The following DAB1 variants were observed in gnomAD, a reference collection of about 807,000 sequenced individuals.
DAB1 encodes the protein disabled homolog 1.
A neutral mutation model predicts 64.6 loss-of-function variants in DAB1; 15 were observed. The observed-to-expected ratio is 0.23, with a 90% CI of 0.16 to 0.36. The LOEUF (loss-of-function observed/expected upper bound fraction) is 0.36. Ranked by LOEUF, DAB1 falls within the 10% of genes least tolerant of loss-of-function variation. The pLI, the probability that DAB1 is intolerant of heterozygous loss-of-function variation, is 1.00. For synonymous variants in DAB1, 235 were observed against 251.9 expected, an observed-to-expected ratio of 0.93 and a Z score of 0.64; for missense variants, 596 against 706.7, an observed-to-expected ratio of 0.84 and a Z score of 1.78.
At chr1:57,393,238 G>T (rs1682533163) in intron 1 of DAB1, among the ~76,000 whole-genome samples, 1 of 152,162 alleles carries the variant, frequency 6.6e-6, no homozygotes, top group African/African-American at 2.4e-5. Flanking sequence ...AGCTAAATGA[G>T]CATTTAGAGT....
chr1:57,308,712 C>T (rs958338579), intron 1 of DAB1, among the ~76,000 whole-genome samples: 2 of 152,100 alleles, frequency 1.3e-5, no homozygotes, highest in Non-Finnish European at 2.9e-5. Context: ...AGTACTTTTC[C>T]ATCTGTGTAT....
chr1:57,753,404 A>G (rs966713640), intron 6 of DAB1, among the ~76,000 whole-genome samples: 1 of 152,184 alleles, frequency 6.6e-6, no homozygotes, highest in African/African-American at 2.4e-5. Context: ...AATGTATAGA[A>G]AAACAAGTGC....
intron 4 of DAB1, among the ~76,000 whole-genome samples, chr1:58,232,294 GCC>G (rs1229795591): frequency 1.3e-5 from 2 of 152,200 alleles, no homozygotes; most frequent in African/African-American, 2.4e-5. Context: ...GGATGGAACT[GCC>G]CATGCCATGG....
chr1:58,337,978 G>A (rs867185869), intron 4 of DAB1, among the ~76,000 whole-genome samples: 4 of 125,256 alleles, frequency 3.2e-5, no homozygotes, highest in African/African-American at 1.3e-4. Context: ...AAACTTACAT[G>A]TTTTTTCCAC....
At chr1:57,549,120 T>G (rs1644886913) in intron 7 of DAB1, among the ~76,000 whole-genome samples, 1 of 152,172 alleles carries the variant, frequency 6.6e-6, no homozygotes, top group Non-Finnish European at 1.5e-5. Context: ...AAGTCTCAAT[T>G]TTGTGGATAT....
intron 5 of DAB1, among the ~76,000 whole-genome samples, chr1:57,889,495 T>C (rs1644274482): frequency 6.6e-6 from 1 of 152,172 alleles, no homozygotes; most frequent in Non-Finnish European, 1.5e-5. Flanking sequence ...TTTGCAAAAC[T>C]AGATATCTAA....
At chr1:58,094,682 G>T (rs1650878409) in intron 5 of DAB1, among the ~76,000 whole-genome samples, 1 of 152,176 alleles carries the variant, frequency 6.6e-6, no homozygotes, top group Non-Finnish European at 1.5e-5. Flanking sequence ...TCAAGAAATG[G>T]TCCTTTACCC....
At chr1:57,776,653 G>T (rs959270906) in intron 6 of DAB1, among the ~76,000 whole-genome samples, 1 of 151,232 alleles carries the variant, frequency 6.6e-6, no homozygotes, top group Non-Finnish European at 1.5e-5. Flanking sequence ...AATGCTCTGG[G>T]GTTTACAACT....
At chr1:58,031,314 T>A (rs941210697) in intron 5 of DAB1, among the ~76,000 whole-genome samples, 1 of 152,186 alleles carries the variant, frequency 6.6e-6, no homozygotes, top group African/African-American at 2.4e-5. Context: ...GTTTTGAATG[T>A]TAAGATTTGC....
At chr1:58,202,385 C>T (rs1409540181) in intron 4 of DAB1, among the ~76,000 whole-genome samples, 1 of 152,202 alleles carries the variant, frequency 6.6e-6, no homozygotes, top group Non-Finnish European at 1.5e-5. Context: ...AACTGAGGCT[C>T]AGCAAGATAA....
chr1:57,391,870 ATTTTT>A (rs1373552581), intron 1 of DAB1, among the ~76,000 whole-genome samples: 1 of 151,906 alleles, frequency 6.6e-6, no homozygotes, highest in Admixed American at 6.6e-5. Context: ...GGAAAGTTGC[ATTTTT>A]TTAGGTAAAA....
chr1:57,344,690 A>C (rs1288380148), intron 1 of DAB1, among the ~76,000 whole-genome samples: 1 of 151,976 alleles, frequency 6.6e-6, no homozygotes, highest in Non-Finnish European at 1.5e-5. Context: ...GCTCGTGTGT[A>C]ATTCTGTTAA....
In DAB1 at chr1:57,845,996, T is replaced by A. The variant is rs1402708022; in HGVS notation, n.88-19541A>T. Among the ~76,000 whole-genome samples the A allele has an allele frequency of 2.0e-5, 3 of 152,146 alleles. No homozygotes were observed. In the South Asian group the frequency reaches 6.2e-4, roughly 32 times the overall value. ...CAAGGAAGGCCAATATAAATGAAGA[T>A]GCTGTCTGCACACGAAATGCTTTGT... On this transcript the variant is annotated intron_variant and non_coding_transcript_variant, in intron 1 of 1. Coordinates refer to the DAB1 transcript ENST00000477280.
intron 1 of DAB1, among the ~76,000 whole-genome samples, chr1:57,858,014 G>A (rs1653839394): frequency 6.6e-6 from 1 of 151,220 alleles, no homozygotes; most frequent in Non-Finnish European, 1.5e-5. Context: ...AGCTAATAGT[G>A]AGAGAACAAG....
intron 1 of DAB1, among the ~76,000 whole-genome samples, chr1:57,373,673 G>A (rs1179534206): frequency 6.6e-6 from 1 of 152,074 alleles, no homozygotes; most frequent in African/African-American, 2.4e-5. Context: ...ATTACTTCCT[G>A]AATCTATTAG....
At chr1:57,721,409 A>C (rs1185543022) in intron 6 of DAB1, among the ~76,000 whole-genome samples, 1 of 152,250 alleles carries the variant, frequency 6.6e-6, no homozygotes, top group Non-Finnish European at 1.5e-5. Context: ...ATTTTCACCA[A>C]AAACATAGTT....
At chr1:57,990,940 TC>T (rs1421386112) in intron 5 of DAB1, among the ~76,000 whole-genome samples, 2 of 152,140 alleles carry the variant, frequency 1.3e-5, no homozygotes, top group Non-Finnish European at 2.9e-5. Context: ...ATAGCACTCT[TC>T]CAGGCCACAA....
chr1:57,545,417 A>G (rs1352100893), intron 7 of DAB1, among the ~76,000 whole-genome samples: 1 of 152,148 alleles, frequency 6.6e-6, no homozygotes, highest in East Asian at 1.9e-4. Context: ...GCTATTTAGG[A>G]TGACTGATTT....
At chr1:58,219,673 G>C (rs939440386) in intron 4 of DAB1, among the ~76,000 whole-genome samples, 1 of 152,158 alleles carries the variant, frequency 6.6e-6, no homozygotes, top group Admixed American at 6.6e-5. Flanking sequence ...GTGCTCCACT[G>C]AGGAAATCTT....
Sources: gnomAD v4.1 joint callset for allele counts (sites outside exome capture counted in the v4.1 genomes callset) on GRCh38, gnomAD v4.1.1 for gene constraint, MANE v1.5 for transcripts, NCBI Gene and HGNC (gene_info 2026-07-23, HGNC 2026-07-21) for gene names.